ARHGAP26: variants seen among roughly 807,000 people sequenced by gnomAD.
The protein encoded by ARHGAP26 is Rho GTPase activating protein 26, also known as rho GTPase-activating protein 26.
A neutral mutation model predicts 104.8 loss-of-function variants in ARHGAP26; 38 were observed. That is an observed-to-expected ratio of 0.36 (90% CI 0.28 to 0.48). The LOEUF is 0.48. Ranked by LOEUF, ARHGAP26 falls within the 20% of genes least tolerant of loss-of-function variation. The pLI, the probability that ARHGAP26 is intolerant of heterozygous loss-of-function variation, is 0.99. For synonymous variants in ARHGAP26, 341 were observed against 340.0 expected (o/e 1.00, Z -0.03); for missense variants, 704 against 947.9 (o/e 0.74, Z 3.38).
chr5:142,843,635 G>A (rs1373779997), intron 1 of ARHGAP26, among the ~76,000 whole-genome samples: 4 of 152,198 alleles, frequency 2.6e-5, no homozygotes, highest in African/African-American at 4.8e-5. Context: ...TCCTTATGGC[G>A]TGTTTTTTTT....
intron 11 of ARHGAP26, among the ~76,000 whole-genome samples, chr5:142,956,852 A>G (rs769066688): frequency 6.6e-6 from 1 of 152,156 alleles, no homozygotes; most frequent in Non-Finnish European, 1.5e-5. Context: ...GAGGAAGCAA[A>G]CGCAGAAACC....
chr5:142,909,588 GCC>G (rs1761561510), intron 9 of ARHGAP26, among the ~76,000 whole-genome samples: 1 of 152,160 alleles, frequency 6.6e-6, no homozygotes, highest in Non-Finnish European at 1.5e-5. Flanking sequence ...CAATAACAAA[GCC>G]CTTTTTATGT....
intron 17 of ARHGAP26, among the ~76,000 whole-genome samples, chr5:143,062,034 TA>T (rs1786788207): frequency 6.6e-6 from 1 of 152,186 alleles, no homozygotes; most frequent in Non-Finnish European, 1.5e-5. Flanking sequence ...GATATCAGAA[TA>T]AAGGCAGAGC....
At chr5:142,927,330 CAAA>C (rs35376912) in intron 10 of ARHGAP26, among the ~76,000 whole-genome samples, 1 of 134,514 alleles carries the variant, frequency 7.4e-6, no homozygotes, top group African/African-American at 2.7e-5. Context: ...TATCTCTTTT[CAAA>C]AAAAAAAAAA....
chr5:142,820,574 G>A (rs570688130), intron 1 of ARHGAP26, among the ~76,000 whole-genome samples: 1 of 152,298 alleles, frequency 6.6e-6, no homozygotes, highest in East Asian at 1.9e-4. Flanking sequence ...GAGCGGCTAC[G>A]ATGGCCTCCA....
chr5:142,786,507 C>T (rs1208935510), intron 1 of ARHGAP26, among the ~76,000 whole-genome samples: 1 of 152,056 alleles, frequency 6.6e-6, no homozygotes, highest in Non-Finnish European at 1.5e-5. Flanking sequence ...CTGTGTTGCT[C>T]AGGCTGGTCT....
intron 6 of ARHGAP26, among the ~76,000 whole-genome samples, chr5:142,900,485 GGTTTTAT>G (rs1760152310): frequency 2.0e-5 from 3 of 151,988 alleles, no homozygotes; most frequent in Admixed American, 1.3e-4. Flanking sequence ...TCATAATCTG[GGTTTTAT>G]CTTCACAGGG....
chr5:143,192,825 CT>C (rs965809964), intron 20 of ARHGAP26, among the ~76,000 whole-genome samples: 4 of 151,354 alleles, frequency 2.6e-5, no homozygotes, highest in Non-Finnish European at 4.4e-5. Context: ...CTTCTTCCCT[CT>C]TTTTTTTTCA....
At chr5:142,832,990 A>G (rs901027592) in intron 1 of ARHGAP26, among the ~76,000 whole-genome samples, 5 of 152,228 alleles carry the variant, frequency 3.3e-5, no homozygotes, top group Admixed American at 3.3e-4. Context: ...GAAAAGTATA[A>G]TATGGAAAAT....
At chr5:143,064,310 G>C (rs1374520174) in intron 17 of ARHGAP26, among the ~76,000 whole-genome samples, 2 of 151,836 alleles carry the variant, frequency 1.3e-5, no homozygotes, top group Non-Finnish European at 2.9e-5. Flanking sequence ...CTACCTATTG[G>C]CTTATGCCAA....
intron 17 of ARHGAP26, among the ~76,000 whole-genome samples, chr5:143,066,490 A>G (rs1367963147): frequency 6.6e-6 from 1 of 152,252 alleles, no homozygotes; most frequent in Non-Finnish European, 1.5e-5. Context: ...AGTGCCTGGC[A>G]CATAATACAC....
At chr5:143,017,828 T>C (rs1779799496) in intron 12 of ARHGAP26, among the ~76,000 whole-genome samples, 2 of 152,204 alleles carry the variant, frequency 1.3e-5, no homozygotes, top group South Asian at 4.1e-4. Flanking sequence ...ACAATGGACA[T>C]CTTTGTACAT....
intron 1 of ARHGAP26, among the ~76,000 whole-genome samples, chr5:142,844,591 G>A (rs907268895): frequency 6.6e-5 from 10 of 151,952 alleles, no homozygotes; most frequent in African/African-American, 1.7e-4. Context: ...TAGGCTGGGC[G>A]TAGTGGCTCA....
At chr5:142,794,876 A>G (rs1319759496) in intron 1 of ARHGAP26, among the ~76,000 whole-genome samples, 2 of 152,160 alleles carry the variant, frequency 1.3e-5, no homozygotes, top group Non-Finnish European at 2.9e-5. Flanking sequence ...TCTCTTTATG[A>G]TATTTACATT....
intron 10 of ARHGAP26, among the ~76,000 whole-genome samples, chr5:142,924,907 A>C (rs1201003607): frequency 6.6e-6 from 1 of 152,342 alleles, no homozygotes; most frequent in African/African-American, 2.4e-5. Flanking sequence ...TCAAGAATAT[A>C]GACAGGCATC....
chr5:142,953,464 A>G (rs1768712886), intron 11 of ARHGAP26, among the ~76,000 whole-genome samples: 1 of 152,128 alleles, frequency 6.6e-6, no homozygotes. Flanking sequence ...TGAGCACTAG[A>G]TATATACAGA....
intron 1 of ARHGAP26, among the ~76,000 whole-genome samples, chr5:142,789,922 C>A (rs1422798864): frequency 6.6e-6 from 1 of 152,172 alleles, no homozygotes; most frequent in Non-Finnish European, 1.5e-5. Flanking sequence ...TTATAACAAC[C>A]CACATAAGAA....
chr5:142,879,517 A>T, intron 4 of ARHGAP26, 72 bp downstream of exon 4: 1 of 1,379,432 alleles, frequency 7.2e-7, no homozygotes, highest in East Asian at 2.4e-5. Flanking sequence ...TTTCTTTAAA[A>T]CAAAGTCTTC....
chr5:142,937,376 A>C (rs985237392), intron 11 of ARHGAP26, among the ~76,000 whole-genome samples: 1 of 152,224 alleles, frequency 6.6e-6, no homozygotes, highest in Non-Finnish European at 1.5e-5. Flanking sequence ...AATGACTAAA[A>C]TTAAAAGTAG....
Sources: allele counts gnomAD v4.1 joint callset (sites outside exome capture counted in the v4.1 genomes callset), GRCh38; gene constraint gnomAD v4.1.1; transcripts MANE v1.5; gene names NCBI Gene and HGNC (gene_info 2026-07-23, HGNC 2026-07-21).